Variants in GDNF observed in about 807,000 individuals in gnomAD.
The protein encoded by GDNF is glial cell derived neurotrophic factor, also known as glial cell line-derived neurotrophic factor.
A neutral mutation model predicts 13.7 loss-of-function variants in GDNF; 5 were observed. That is an observed-to-expected ratio of 0.36 (90% CI 0.19 to 0.77). The LOEUF is 0.77. Ranked by LOEUF, GDNF falls within the 30% of genes least tolerant of loss-of-function variation. The pLI is 0.51. For synonymous variants in GDNF, 122 were observed against 112.5 expected (o/e 1.08, Z -0.53); for missense variants, 246 against 274.3 (o/e 0.90, Z 0.73).
intron 2 of GDNF, among the ~76,000 whole-genome samples, chr5:37,821,652 C>A (rs746730978): frequency 6.6e-6 from 1 of 152,100 alleles, no homozygotes; most frequent in Non-Finnish European, 1.5e-5. Context: ...AATAGTGTTA[C>A]TTAAAGAAAT....
rs760485904 is a variant in GDNF, at chr5:37,834,662, G to A, written c.135C>T (p.Phe45=). 1 of 1,601,876 alleles carries A rather than the reference G, an allele frequency of 6.2e-7. No homozygotes were observed. Among genetic ancestry groups the A allele is most frequent in the Non-Finnish European group, 8.5e-7 (1 of 1,174,432 alleles). Residue 45 remains phenylalanine, a synonymous_variant, in exon 2 of 3, where the codon TTC becomes TTT. Coordinates refer to ENST00000326524, the MANE Select transcript of GDNF (RefSeq NM_000514.4). The part of the protein sequence containing the change: ...DRSLGRRRAP[F]ALSSDSNMPE... ...GGTTCTTACAGTCACTGCTCAGCGC[G>A]AAGGGCGCGCGGCGGCGGCCGAGGG...
At chr5:37,824,304 G>A (rs1750233381) in intron 2 of GDNF, 1 of 152,032 alleles carries the variant, frequency 6.6e-6, no homozygotes, top group African/African-American at 2.4e-5. Flanking sequence ...CATTTTCTTC[G>A]AATCTCAATT....
Position 37,820,014 on chromosome 5 carries a change from A to C in GDNF, c.152-3879T>G, listed in dbSNP as rs141709627. Reference sequence around the variant, plus strand: ...AAATCGGAACTTATGAAACAGATCTATTAGGAGTGATTAATCAAAATACAG... The same window carrying C: ...AAATCGGAACTTATGAAACAGATCTCTTAGGAGTGATTAATCAAAATACAG... On this transcript the variant is annotated intron_variant, in intron 2 of 2. Transcript: ENST00000326524. Among the ~76,000 whole-genome samples the C allele has an allele frequency of 2.4e-4, 37 of 152,338 alleles. 1 individual carries two copies. The East Asian group carries it at 7.1e-3, about 29-fold the overall frequency.
rs1171921792 is a variant in GDNF at position 37,816,317 on chromosome 5, T to C, written c.152-182A>G. Among the ~76,000 whole-genome samples the C allele has an allele frequency of 2.0e-5, 3 of 152,158 alleles. No homozygotes were observed. In the East Asian group the frequency reaches 5.8e-4, roughly 29 times the overall value. ...GAGGCAAAAATGCACAGAAGAAAGATGATTTAGTTGGAAGAGGAGACTAAT... is the reference window on the plus strand; with the variant it reads ...GAGGCAAAAATGCACAGAAGAAAGACGATTTAGTTGGAAGAGGAGACTAAT... On this transcript the variant is annotated intron_variant, in intron 2 of 2. Coordinates refer to ENST00000326524, the MANE Select transcript of GDNF (RefSeq NM_000514.4).
At chr5:37,825,495 C>T (rs1447245570) in intron 2 of GDNF, among the ~76,000 whole-genome samples, 1 of 152,166 alleles carries the variant, frequency 6.6e-6, no homozygotes, top group Non-Finnish European at 1.5e-5. Flanking sequence ...GTAATAAACA[C>T]CACAAGCTAA....
intron 2 of GDNF, among the ~76,000 whole-genome samples, chr5:37,818,841 A>C (rs563122667): frequency 2.6e-5 from 4 of 152,260 alleles, no homozygotes. Flanking sequence ...GTCTTTGCTC[A>C]AATGTCACTA....
At chr5:37,835,487 G>T (rs1353065418) in intron 1 of GDNF, 10 of 1,491,114 alleles carry the variant, frequency 6.7e-6, no homozygotes, top group Non-Finnish European at 9.0e-6. Context: ...CTTTTGGCCT[G>T]TATGGGATAT....
At chr5:37,823,066 T>G (rs1001133545) in intron 2 of GDNF, among the ~76,000 whole-genome samples, 1 of 152,232 alleles carries the variant, frequency 6.6e-6, no homozygotes, top group Non-Finnish European at 1.5e-5. Flanking sequence ...GGTGGAATAC[T>G]GCCTACTTTC....
intron 2 of GDNF, among the ~76,000 whole-genome samples, chr5:37,821,304 G>A (rs549513748): frequency 6.0e-4 from 92 of 152,140 alleles, no homozygotes; most frequent in African/African-American, 1.6e-3. Context: ...GTTTGGATTC[G>A]TTCCCTAAAT....
intron 2 of GDNF, among the ~76,000 whole-genome samples, chr5:37,832,127 T>C (rs1195652263): frequency 2.6e-5 from 4 of 152,192 alleles, no homozygotes; most frequent in Non-Finnish European, 2.9e-5. Context: ...TATATTCTGG[T>C]CCTCCTGTGA....
At chr5:37,830,387 G>C (rs1324872664) in intron 2 of GDNF, among the ~76,000 whole-genome samples, 6 of 152,138 alleles carry the variant, frequency 3.9e-5, no homozygotes, top group Admixed American at 6.5e-5. Flanking sequence ...AAATATATGG[G>C]CTTGGAAACT....
chr5:37,824,435 C>A (rs1441838711), intron 2 of GDNF: 5 of 152,212 alleles, frequency 3.3e-5, no homozygotes, highest in Non-Finnish European at 5.9e-5. Context: ...AGCAGCTTGT[C>A]CTTGAAGCCA....
intron 2 of GDNF, among the ~76,000 whole-genome samples, chr5:37,828,358 A>T (rs1229591330): frequency 6.6e-6 from 1 of 152,244 alleles, no homozygotes; most frequent in Non-Finnish European, 1.5e-5. Flanking sequence ...TCTTAAAAAC[A>T]TCCTGATCTG....
At chr5:37,836,819 G>T (rs1561138192) in intron 1 of GDNF, among the ~76,000 whole-genome samples, 1 of 152,270 alleles carries the variant, frequency 6.6e-6, no homozygotes, top group Non-Finnish European at 1.5e-5. Flanking sequence ...TCTTAAGAGG[G>T]TTTTCCCTTT....
rs1749865628 is a variant in GDNF, at chr5:37,815,207, A to C, written c.*444T>G. On this transcript the variant is annotated 3_prime_UTR_variant, in exon 3 of 3. Transcript: ENST00000326524. This position sits in a 1 kb window ranked among gnomAD's most constrained non-coding sequence, Gnocchi z 5.0. ...CAGTAAAACGTAATAACAAGGAACA[A>C]CACCAGGATCTCTGTTTCCCTGGTG... 9.9e-6 allele frequency: 2 copies of C among 202,006 alleles called. No individual in the cohort carries two copies. The highest frequency in any genetic ancestry group is 2.0e-3 in the Middle Eastern group (1 of 500). 12.5% of individuals were successfully genotyped at this position (202,006 alleles called of 1,614,324 possible). A position where few individuals can be genotyped will look rare whatever the true frequency, so the allele number is the denominator to read the frequency against.
intron 2 of GDNF, among the ~76,000 whole-genome samples, chr5:37,834,096 T>C (rs929664571): frequency 9.2e-5 from 14 of 152,358 alleles, no homozygotes; most frequent in African/African-American, 3.1e-4. Context: ...GAGGAACTTT[T>C]CTGAACAGAT....
chr5:37,815,920 T>C lies in GDNF; in HGVS notation c.367A>G (p.Ile123Val), dbSNP rs1190798166. ...GKNRGCVLTA[I>V]HLNVTDLGLG... ...CCCAAGTCAGTGACATTTAAATGTA[T>C]TGCAGTTAAGACACAACCCCGGTTT... The change falls in exon 3 of 3, where the codon ATA becomes GTA. Residue 123 changes from isoleucine to valine, a missense_variant. Coordinates refer to ENST00000326524, the MANE Select transcript of GDNF (RefSeq NM_000514.4). The surrounding 1 kb of genome is among the most constrained non-coding windows in gnomAD (Gnocchi z 5.0). The C allele has an allele frequency of 2.5e-6, 4 of 1,614,096 alleles. No homozygotes were observed. The highest frequency in any genetic ancestry group is 2.7e-5 in the African/African-American group (2 of 74,938).
chr5:37,835,956 C>A, intron 1 of GDNF: 1 of 461,916 alleles, frequency 2.2e-6, no homozygotes, highest in East Asian at 3.6e-5. Context: ...GGCCACGCAG[C>A]TGGGGGTGGG....
Position 37,834,980 on chromosome 5 carries a change from G to A in GDNF, c.-26-158C>T, listed in dbSNP as rs550837718. The A allele has an allele frequency of 2.1e-4, 140 of 654,174 alleles. No homozygotes were observed. The African/African-American group carries it at 2.5e-3, about 12-fold the overall frequency. 40.5% of individuals were successfully genotyped at this position (654,174 alleles called of 1,614,324 possible). A position where few individuals can be genotyped will look rare whatever the true frequency, so the allele number is the denominator to read the frequency against. On this transcript the variant is annotated intron_variant, in intron 1 of 2. Coordinates refer to ENST00000326524, the MANE Select transcript of GDNF (RefSeq NM_000514.4). The stretch of plus-strand genomic sequence containing the variant: ...TCGGGCACTCCTGCCCTCCTTGCAA[G>A]TCCCCAGTTCGCTTCTCCCTCCTCA...
Sources: gnomAD v4.1 joint callset for allele counts (sites outside exome capture counted in the v4.1 genomes callset) on GRCh38, gnomAD v4.1.1 for gene constraint, Gnocchi (gnomAD v3.1) non-coding constraint, MANE v1.5 for transcripts, NCBI Gene and HGNC (gene_info 2026-07-23, HGNC 2026-07-21) for gene names.